KIAA1958: variants seen among roughly 807,000 people sequenced by gnomAD.
The protein encoded by KIAA1958 is uncharacterized protein KIAA1958.
A neutral mutation model predicts 47.2 loss-of-function variants in KIAA1958; 14 were observed. The ratio of observed to expected loss-of-function variants is 0.30; its 90% CI spans 0.20 to 0.46. The LOEUF (loss-of-function observed/expected upper bound fraction) is 0.46, where lower values mean the gene tolerates loss of function less well. KIAA1958 is among the 20% of genes least tolerant of loss of function. KIAA1958 has a pLI of 1.00. For missense variants in KIAA1958, 803 were observed against 909.2 expected, an observed-to-expected ratio of 0.88 and a Z score of 1.50; for synonymous variants, 354 against 353.3, an observed-to-expected ratio of 1.00 and a Z score of -0.02.
In KIAA1958 at chr9:112,658,936, C is replaced by T. The variant is rs568247547; in HGVS notation, c.1345-327C>T. Among the ~76,000 whole-genome samples, 8 of 140,404 alleles carry T rather than the reference C, an allele frequency of 5.7e-5. No individual in the cohort carries two copies. The East Asian group carries it at 9.2e-4, about 16-fold the overall frequency. The allele number at this position is 140,404 out of a possible 152,430, so 92.1% of individuals were successfully genotyped here. The stretch of plus-strand genomic sequence containing the variant: ...TCGGAAGGCTGAGGCAGGAGAATGG[C>T]GTGAACCCGGGAGGCGGAGCTTGCA... On this transcript the variant is annotated intron_variant, in intron 3 of 3. Coordinates refer to ENST00000337530, the MANE Select transcript of KIAA1958 (RefSeq NM_133465.4).
intron 3 of KIAA1958, among the ~76,000 whole-genome samples, chr9:112,656,995 G>A (rs536623716): frequency 6.6e-6 from 1 of 152,160 alleles, no homozygotes; most frequent in East Asian, 1.9e-4. Context: ...AGTCAGACCT[G>A]CTAGAAGTTT....
rs534684719 is a variant in KIAA1958 at position 112,661,702 on chromosome 9, T to C, written c.*1633T>C. On this transcript the variant is annotated 3_prime_UTR_variant, in exon 4 of 4. Coordinates refer to ENST00000337530, the MANE Select transcript of KIAA1958 (RefSeq NM_133465.4). Reference sequence around the variant, plus strand: ...TTTAGTCACTGTGCATTTATAAGTTTGTTTACTAGTTGACCTTTCCTGAAT... The same window carrying C: ...TTTAGTCACTGTGCATTTATAAGTTCGTTTACTAGTTGACCTTTCCTGAAT... 1 of 152,356 alleles carries C rather than the reference T, an allele frequency of 6.6e-6. No individual in the cohort carries two copies. The highest frequency in any genetic ancestry group is 2.1e-4 in the South Asian group (1 of 4,832). The allele number at this position is 152,356 out of a possible 1,614,324, so 9.4% of individuals were successfully genotyped here. A position where few individuals can be genotyped will look rare whatever the true frequency, so the allele number is the denominator to read the frequency against.
chr9:112,576,290 A>G (rs1835644104), intron 2 of KIAA1958, among the ~76,000 whole-genome samples: 2 of 152,206 alleles, frequency 1.3e-5, no homozygotes, highest in African/African-American at 4.8e-5. Flanking sequence ...GAAAATATTT[A>G]TATCCTGATT....
intron 2 of KIAA1958, among the ~76,000 whole-genome samples, chr9:112,622,755 C>T (rs1836531722): frequency 6.6e-6 from 1 of 152,158 alleles, no homozygotes; most frequent in African/African-American, 2.4e-5. Flanking sequence ...TTAGCTGAAA[C>T]TTTCATAGCA....
intron 2 of KIAA1958, among the ~76,000 whole-genome samples, chr9:112,600,102 C>G (rs1460123979): frequency 1.3e-5 from 2 of 152,154 alleles, no homozygotes; most frequent in African/African-American, 4.8e-5. Flanking sequence ...TAATATAGTA[C>G]AATATTTATT....
intron 1 of KIAA1958, among the ~76,000 whole-genome samples, chr9:112,552,825 C>A (rs930818491): frequency 2.6e-5 from 4 of 152,126 alleles, no homozygotes; most frequent in African/African-American, 9.7e-5. Context: ...TGGCATGCAG[C>A]TGTGTACAAT....
chr9:112,638,178 C>G (rs939795417), intron 2 of KIAA1958, among the ~76,000 whole-genome samples: 24 of 152,020 alleles, frequency 1.6e-4, no homozygotes, highest in African/African-American at 5.5e-4. Context: ...AAAATTTTCT[C>G]TTAATGTGGT....
intron 1 of KIAA1958, among the ~76,000 whole-genome samples, chr9:112,553,502 T>G (rs1039642184): frequency 6.6e-6 from 1 of 152,080 alleles, no homozygotes; most frequent in African/African-American, 2.4e-5. Flanking sequence ...TTTTTGACAT[T>G]GGACACATTT....
intron 2 of KIAA1958, among the ~76,000 whole-genome samples, chr9:112,608,024 G>A (rs373522081): frequency 6.6e-6 from 1 of 152,186 alleles, no homozygotes; most frequent in Admixed American, 6.5e-5. Flanking sequence ...TAAGCTGTTA[G>A]AGGACAAACT....
intron 3 of KIAA1958, among the ~76,000 whole-genome samples, chr9:112,649,504 A>G (rs1443520071): frequency 1.3e-5 from 2 of 152,116 alleles, no homozygotes; most frequent in East Asian, 3.8e-4. Context: ...ATGTGGGACA[A>G]TTTCAAGGAG....
At chr9:112,535,101 A>G (rs796126690) in intron 1 of KIAA1958, among the ~76,000 whole-genome samples, 1 of 152,330 alleles carries the variant, frequency 6.6e-6, no homozygotes, top group African/African-American at 2.4e-5. Flanking sequence ...TTTATTTTTT[A>G]TGGTTGGAAC....
At chr9:112,639,430 A>G (rs1034494093) in intron 2 of KIAA1958, among the ~76,000 whole-genome samples, 3 of 151,952 alleles carry the variant, frequency 2.0e-5, no homozygotes, top group Non-Finnish European at 4.4e-5. Context: ...TCATCCTAGG[A>G]CACCCTCCTA....
intron 2 of KIAA1958, among the ~76,000 whole-genome samples, chr9:112,627,679 G>A (rs923886961): frequency 3.9e-5 from 6 of 152,324 alleles, no homozygotes; most frequent in African/African-American, 1.2e-4. Flanking sequence ...GCTTGAGCCT[G>A]GGAGGTGGAG....
chr9:112,563,849 T>G (rs1484735897), intron 1 of KIAA1958, among the ~76,000 whole-genome samples: 1 of 152,176 alleles, frequency 6.6e-6, no homozygotes. Context: ...ATTAAATATA[T>G]TAGCTGTAGA....
In KIAA1958 at chr9:112,663,227, C is replaced by T. The variant is rs1035374141; in HGVS notation, c.*3158C>T. On this transcript the variant is annotated 3_prime_UTR_variant, in exon 4 of 4. Coordinates refer to ENST00000337530, the MANE Select transcript of KIAA1958 (RefSeq NM_133465.4). ...CATATCTGCTGTAAAGGGAGCCCTA[C>T]TTTCTGTCTATCCCCCCCACCGCCG... The T allele has an allele frequency of 6.6e-6, 1 of 152,440 alleles. No individual in the cohort carries two copies. Among genetic ancestry groups the T allele is most frequent in the Non-Finnish European group, 1.5e-5 (1 of 68,378 alleles). 9.4% of individuals were successfully genotyped at this position (152,440 alleles called of 1,614,324 possible).
At chr9:112,493,830 A>G (rs766928447) in intron 1 of KIAA1958, among the ~76,000 whole-genome samples, 2 of 152,170 alleles carry the variant, frequency 1.3e-5, no homozygotes, top group East Asian at 3.8e-4. Context: ...CCCCTCAACT[A>G]TCTTTAAAAA....
rs547312933 is a variant in KIAA1958, at chr9:112,650,244, A to G, written c.1344+4422A>G. Among the ~76,000 whole-genome samples the G allele has an allele frequency of 7.7e-4, 117 of 152,274 alleles. 1 individual carries two copies. The highest frequency in any genetic ancestry group is 2.6e-3 in the African/African-American group (109 of 41,572). On this transcript the variant is annotated intron_variant, in intron 3 of 3. Transcript: ENST00000337530. ...TCATCACTAAAAGACCTACACAACA[A>G]TATATATTAAAAGAAGCTCTTCAGG...
At chr9:112,627,722 C>T (rs921777790) in intron 2 of KIAA1958, among the ~76,000 whole-genome samples, 3 of 152,158 alleles carry the variant, frequency 2.0e-5, no homozygotes, top group African/African-American at 7.2e-5. Context: ...CTACTGCACT[C>T]CAGCCTGGGT....
intron 1 of KIAA1958, among the ~76,000 whole-genome samples, chr9:112,530,310 T>A (rs1325522125): frequency 2.0e-5 from 3 of 152,256 alleles, no homozygotes; most frequent in African/African-American, 7.2e-5. Context: ...GCTCTAGCTT[T>A]AGCTGCTGGG....
Sources: allele counts gnomAD v4.1 joint callset (sites outside exome capture counted in the v4.1 genomes callset), GRCh38; gene constraint gnomAD v4.1.1; transcripts MANE v1.5; gene names NCBI Gene and HGNC (gene_info 2026-07-23, HGNC 2026-07-21).